The following NCAM2 variants were observed in gnomAD, a reference collection of about 807,000 sequenced individuals.
The protein encoded by NCAM2 is N-CAM-2.
Under a neutral mutation model 98.1 loss-of-function variants are expected in NCAM2, and 30 were observed. That is an observed-to-expected ratio of 0.31 (90% CI 0.23 to 0.41). The LOEUF is 0.41. Ranked by LOEUF, NCAM2 falls within the 10% of genes least tolerant of loss-of-function variation. The pLI, the probability that NCAM2 is intolerant of heterozygous loss-of-function variation, is 1.00. For missense variants in NCAM2, 867 were observed against 1,005.8 expected, an observed-to-expected ratio of 0.86 and a Z score of 1.87; for synonymous variants, 368 against 342.4, an observed-to-expected ratio of 1.07 and a Z score of -0.83.
At chr21:21,437,140 A>G (rs546103917) in intron 12 of NCAM2, among the ~76,000 whole-genome samples, 1 of 152,116 alleles carries the variant, frequency 6.6e-6, no homozygotes, top group Non-Finnish European at 1.5e-5. Context: ...ACTTTTGAAA[A>G]GAGTGAAGAT....
chr21:21,070,458 G>A (rs77327326), intron 1 of NCAM2, among the ~76,000 whole-genome samples: 2 of 152,166 alleles, frequency 1.3e-5, no homozygotes, highest in East Asian at 3.9e-4. Context: ...GGAGTAATCA[G>A]CAGTGATAAA....
At chr21:21,093,738 T>C (rs1385299562) in intron 1 of NCAM2, among the ~76,000 whole-genome samples, 4 of 152,048 alleles carry the variant, frequency 2.6e-5, no homozygotes, top group Non-Finnish European at 5.9e-5. Flanking sequence ...ATTCCCTTGA[T>C]GTTCTTTGTC....
At chr21:21,483,978 C>A (rs1986123430) in intron 15 of NCAM2, among the ~76,000 whole-genome samples, 1 of 151,890 alleles carries the variant, frequency 6.6e-6, no homozygotes, top group South Asian at 2.1e-4. Context: ...TAAATATATC[C>A]TAAGAAATTA....
intron 17 of NCAM2, 56 bp downstream of exon 17, chr21:21,534,712 A>G: frequency 1.5e-6 from 2 of 1,369,868 alleles, no homozygotes; most frequent in Non-Finnish European, 1.9e-6. Flanking sequence ...AAATGATAAC[A>G]CATTATTATT....
At chr21:21,128,740 T>C (rs1041956610) in intron 1 of NCAM2, among the ~76,000 whole-genome samples, 2 of 152,082 alleles carry the variant, frequency 1.3e-5, no homozygotes, top group African/African-American at 4.8e-5. Context: ...GAAAAGCATA[T>C]GTGAAGAGTT....
At chr21:21,188,364 T>C (rs2068707404) in intron 1 of NCAM2, among the ~76,000 whole-genome samples, 1 of 152,204 alleles carries the variant, frequency 6.6e-6, no homozygotes, top group Non-Finnish European at 1.5e-5. Context: ...TTGTTTTTCA[T>C]GTTTGATGAT....
chr21:21,319,866 G>C (rs1490779812), intron 5 of NCAM2, among the ~76,000 whole-genome samples: 1 of 152,116 alleles, frequency 6.6e-6, no homozygotes, highest in Non-Finnish European at 1.5e-5. Flanking sequence ...CATTGTTTTT[G>C]TACTTGCTGT....
At chr21:21,305,994 T>TTTTA (rs1371889863) in intron 5 of NCAM2, among the ~76,000 whole-genome samples, 1 of 152,186 alleles carries the variant, frequency 6.6e-6, no homozygotes, top group Non-Finnish European at 1.5e-5. Context: ...TGACTTATTA[T>TTTTA]TTATCCCATG....
At chr21:21,529,835 G>A (rs934394572) in intron 16 of NCAM2, among the ~76,000 whole-genome samples, 2 of 151,248 alleles carry the variant, frequency 1.3e-5, no homozygotes, top group Non-Finnish European at 3.0e-5. Context: ...TACAAAAGCA[G>A]TACCAACATA....
intron 1 of NCAM2, among the ~76,000 whole-genome samples, chr21:21,116,306 A>G (rs1569039301): frequency 6.6e-6 from 1 of 152,128 alleles, no homozygotes; most frequent in Non-Finnish European, 1.5e-5. Context: ...CTTGACTACT[A>G]CACATTGCTA....
chr21:21,185,818 A>C (rs1026836598), intron 1 of NCAM2, among the ~76,000 whole-genome samples: 1 of 152,330 alleles, frequency 6.6e-6, no homozygotes, highest in Admixed American at 6.5e-5. Context: ...AGGAATATGC[A>C]TAAAAGTGGG....
intron 11 of NCAM2, among the ~76,000 whole-genome samples, chr21:21,430,834 T>C (rs1348760177): frequency 6.6e-6 from 1 of 151,564 alleles, no homozygotes; most frequent in Non-Finnish European, 1.5e-5. Flanking sequence ...GATCACGAGG[T>C]TAAAAGATTG....
At chr21:21,398,783 A>G (rs939295673) in intron 9 of NCAM2, among the ~76,000 whole-genome samples, 5 of 152,190 alleles carry the variant, frequency 3.3e-5, no homozygotes, top group Non-Finnish European at 7.3e-5. Context: ...TGATATTTCT[A>G]TATATTGTGC....
In NCAM2 at chr21:21,030,210, C is replaced by A. The variant is rs190671273; in HGVS notation, c.55+31592C>A. On this transcript the variant is annotated intron_variant, in intron 1 of 17. Coordinates refer to ENST00000400546, the MANE Select transcript of NCAM2 (RefSeq NM_004540.5). The stretch of plus-strand genomic sequence containing the variant: ...TATTTCACTTAAGCCTAAACATAAT[C>A]TTTTAAGGTAAATACTTTTACTAAC... 2.4e-4 allele frequency among the ~76,000 whole-genome samples: 37 copies of A among 152,210 alleles called. No homozygotes were observed. In the Middle Eastern group the frequency reaches 0.01, roughly 42 times the overall value.
chr21:21,280,644 C>T lies in NCAM2; in HGVS notation c.122C>T (p.Thr41Ile), dbSNP rs761450565. 1.1e-5 allele frequency: 18 copies of T among 1,578,418 alleles called. No homozygotes were observed. Among genetic ancestry groups the T allele is most frequent in the Non-Finnish European group, 1.6e-5 (18 of 1,159,170 alleles). Residue 41 changes from threonine to isoleucine, a missense_variant, in exon 2 of 18, where the codon ACA becomes ATA. Coordinates refer to ENST00000400546, the MANE Select transcript of NCAM2 (RefSeq NM_004540.5). Reference sequence around the variant, plus strand: ...AGTGTTGGAGAATCTAAATTCTTCACATGTACAGGTACGTATTTCTGTAAA... The same window carrying T: ...AGTGTTGGAGAATCTAAATTCTTCATATGTACAGGTACGTATTTCTGTAAA... ...ELSVGESKFF[T>I]CTAIGEPESI...
intron 8 of NCAM2, among the ~76,000 whole-genome samples, chr21:21,363,560 C>A (rs2148004272): frequency 6.6e-6 from 1 of 152,164 alleles, no homozygotes; most frequent in East Asian, 1.9e-4. Flanking sequence ...GGGTCTTTAG[C>A]TCCCCTGTCA....
At chr21:21,011,921 A>G (rs1265393737) in intron 1 of NCAM2, among the ~76,000 whole-genome samples, 2 of 152,038 alleles carry the variant, frequency 1.3e-5, no homozygotes, top group Non-Finnish European at 2.9e-5. Flanking sequence ...CAAATTAAAA[A>G]CCATAAGGAG....
chr21:21,116,377 A>G (rs1202035576), intron 1 of NCAM2, among the ~76,000 whole-genome samples: 4 of 152,184 alleles, frequency 2.6e-5, no homozygotes, highest in African/African-American at 9.6e-5. Context: ...TAAGTGCTTT[A>G]TAGTTTACAG....
At chr21:21,341,318 A>G (rs2075027327) in intron 8 of NCAM2, among the ~76,000 whole-genome samples, 1 of 152,164 alleles carries the variant, frequency 6.6e-6, no homozygotes, top group Non-Finnish European at 1.5e-5. Context: ...AAGTTGATTT[A>G]GTATATGCAG....
Sources: gnomAD v4.1 joint callset for allele counts (sites outside exome capture counted in the v4.1 genomes callset) on GRCh38, gnomAD v4.1.1 for gene constraint, MANE v1.5 for transcripts, NCBI Gene and HGNC (gene_info 2026-07-23, HGNC 2026-07-21) for gene names.